HERC2: variants seen among roughly 807,000 people sequenced by gnomAD.
HERC2 encodes E3 ubiquitin-protein ligase HERC2.
HERC2 carries 102 observed loss-of-function variants against 537.7 expected under a neutral mutation model. That is an observed-to-expected ratio of 0.19 (90% CI 0.16 to 0.22). The LOEUF is 0.22. Among genes scored for constraint, HERC2 ranks in the 10% least tolerant of loss-of-function variants. The probability of loss-of-function intolerance (pLI) is 1.00; values close to 1 mark genes in which losing one functional copy is unlikely to be tolerated. For missense variants in HERC2, 4,236 were observed against 6,198.2 expected (o/e 0.68, Z 10.63); for synonymous variants, 2,224 against 2,466.2 (o/e 0.90, Z 2.91).
At chr15:28,321,933 G>A (rs2077241442) in intron 1 of HERC2, 142 bp downstream of exon 1, 2 of 138,828 alleles carry the variant, frequency 1.4e-5, no homozygotes, top group African/African-American at 3.0e-5. Flanking sequence ...GATGGAGAGA[G>A]GCCCGAGGCT....
chr15:28,268,880 C>T lies in HERC2; in HGVS notation c.1447-264G>A, dbSNP rs1239964220. On this transcript the variant is annotated intron_variant, in intron 11 of 92. Transcript: ENST00000261609. The surrounding 1 kb of genome is among the most constrained non-coding windows in gnomAD (Gnocchi z 4.7). ...GCCCCATGCCACAGAGACACGCAGC[C>T]GACAGGGAGGAACACCTCGCTTTAA... 1.3e-5 allele frequency among the ~76,000 whole-genome samples: 2 copies of T among 152,168 alleles called. No individual in the cohort carries two copies. The highest frequency in any genetic ancestry group is 2.4e-5 in the African/African-American group (1 of 41,458).
rs1887895667 is a variant in HERC2, at chr15:28,113,604, G to A, written c.13988C>T (p.Ser4663Phe). Reference protein sequence around the residue: ...MARVVPVPLLSLFTGYELETM... With the variant: ...MARVVPVPLLFLFTGYELETM... ...CTCCAGTTCGTAGCCGGTGAACAGA[G>A]AGAGGAGGGGAACAGGCACAACGCG... The change falls in exon 91 of 93, where the codon TCT (serine) becomes TTT (phenylalanine). Residue 4663 changes from serine (S) to phenylalanine (F), a missense_variant. By Grantham distance (155) the Ser-to-Phe change is radical. Around this residue, in one of 27 missense-constraint regions of HERC2, gnomAD observed 313 missense variants for 462.6 expected, o/e 0.68. Coordinates refer to ENST00000261609, the MANE Select transcript of HERC2 (RefSeq NM_004667.6). The surrounding 1 kb of genome is among the most constrained non-coding windows in gnomAD (Gnocchi z 7.0). The A allele has an allele frequency of 6.2e-7, 1 of 1,614,200 alleles. No homozygotes were observed. The highest frequency in any genetic ancestry group is 2.2e-5 in the East Asian group (1 of 44,876).
At chr15:28,180,688 T>C (rs1895738952) in intron 57 of HERC2, among the ~76,000 whole-genome samples, 1 of 152,202 alleles carries the variant, frequency 6.6e-6, no homozygotes, top group Non-Finnish European at 1.5e-5. Flanking sequence ...GTCCTCTGTA[T>C]CCATAGGTTC....
chr15:28,245,851 C>A (rs745750807), intron 23 of HERC2, 30 bp downstream of exon 23: 7 of 1,580,024 alleles, frequency 4.4e-6, no homozygotes, highest in Non-Finnish European at 6.1e-6. Context: ...ATAAAACTTT[C>A]CTCAGTAAAA....
chr15:28,142,375 A>C lies in HERC2; in HGVS notation c.11563T>G (p.Cys3855Gly). ...GGCAGAGTGTCCAGCTCCAGGTCAC[A>C]AGCAAGAGCTACCAGTACCTGCAGG... ...PFFKVLVALA[C>G]DLELDTLPCC... Residue 3855 changes from cysteine to glycine, a missense_variant, in exon 76 of 93, where the codon TGT becomes GGT. Cys to Gly is a radical substitution (Grantham distance 159). Around this residue, in one of 27 missense-constraint regions of HERC2, gnomAD observed 23 missense variants for 60.0 expected, o/e 0.38. Coordinates refer to ENST00000261609, the MANE Select transcript of HERC2 (RefSeq NM_004667.6). 1 of 1,613,640 alleles carries C rather than the reference A, an allele frequency of 6.2e-7. No homozygotes were observed. Among genetic ancestry groups the C allele is most frequent in the Non-Finnish European group, 8.5e-7 (1 of 1,179,790 alleles).
At chr15:28,276,307 C>T (rs966350398) in intron 5 of HERC2, among the ~76,000 whole-genome samples, 1 of 151,526 alleles carries the variant, frequency 6.6e-6, no homozygotes, top group Admixed American at 6.6e-5. Flanking sequence ...ACAGTACACG[C>T]TTATCCACAA....
rs767247317 is a variant in HERC2, at chr15:28,113,242, C to T, written c.14061G>A (p.Ser4687=). The change falls in exon 92 of 93, where the codon TCG becomes TCA. Residue 4687 remains serine, a synonymous_variant. Coordinates refer to ENST00000261609, the MANE Select transcript of HERC2 (RefSeq NM_004667.6). The surrounding 1 kb of genome is among the most constrained non-coding windows in gnomAD (Gnocchi z 7.0). ...SPDIPLHLLK[S]VATYKGIEPS... ...GCTCGATGCCTTTATAGGTGGCCAC[C>T]GACTTGAGAAGGTGCAGCGGGATGT... 7 of 1,613,992 alleles carry T rather than the reference C, an allele frequency of 4.3e-6. No homozygotes were observed. Among genetic ancestry groups the T allele is most frequent in the Admixed American group, 1.7e-5 (1 of 59,996 alleles).
intron 69 of HERC2, among the ~76,000 whole-genome samples, chr15:28,157,671 T>C (rs1893150247): frequency 6.6e-6 from 1 of 152,336 alleles, no homozygotes; most frequent in African/African-American, 2.4e-5. Flanking sequence ...ATCAATTTTG[T>C]TGATCTTTTC....
intron 57 of HERC2, among the ~76,000 whole-genome samples, 163 bp from the exon 58 acceptor site, chr15:28,179,386 T>C (rs1021919406): frequency 6.6e-6 from 1 of 152,234 alleles, no homozygotes; most frequent in Non-Finnish European, 1.5e-5. Flanking sequence ...CAGTAGATTA[T>C]AATGGAGCTG....
intron 2 of HERC2, among the ~76,000 whole-genome samples, chr15:28,311,395 G>A (rs1362367403): frequency 6.6e-6 from 1 of 152,276 alleles, no homozygotes; most frequent in Non-Finnish European, 1.5e-5. Context: ...GCCCGGGGAG[G>A]TTAAGGCTGC....
chr15:28,202,233 G>A lies in HERC2; in HGVS notation c.7497C>T (p.Val2499=), dbSNP rs146090836. Residue 2499 remains valine, a synonymous_variant, in exon 47 of 93, where the codon GTC becomes GTT. Transcript: ENST00000261609. ...ASSLPGVEAL[V]GWLLDHSDIQ... ...TGTCGGAGTGGTCCAGCAGCCACCC[G>A]ACCAAGGCTTCCACACCTAAGAGAG... 1.8e-4 allele frequency: 292 copies of A among 1,610,584 alleles called. No individual in the cohort carries two copies. In the African/African-American group the frequency reaches 3.6e-3, roughly 20 times the overall value.
rs57980844 is a variant in HERC2 at position 28,300,758 on chromosome 15, G to A, written c.73-1242C>T. Among the ~76,000 whole-genome samples the A allele has an allele frequency of 5.6e-3, 650 of 116,384 alleles. 5 individuals carry two copies. The highest frequency in any genetic ancestry group is 0.046 in the East Asian group (97 of 2,112). 76.4% of individuals were successfully genotyped at this position (116,384 alleles called of 152,430 possible). A position where few individuals can be genotyped will look rare whatever the true frequency, so the allele number is the denominator to read the frequency against. ...GACTAGCATGAACCCAGGAGGCAGA[G>A]GTTTCAGTGAGCCGAGATTATGTCA... On this transcript the variant is annotated intron_variant, in intron 2 of 92. Coordinates refer to ENST00000261609, the MANE Select transcript of HERC2 (RefSeq NM_004667.6).
intron 55 of HERC2, among the ~76,000 whole-genome samples, chr15:28,189,345 T>C (rs1869655702): frequency 6.6e-6 from 1 of 152,362 alleles, no homozygotes; most frequent in South Asian, 2.1e-4. Context: ...ATAATCTCCA[T>C]TGTTGATTTA....
chr15:28,144,028 G>T, intron 73 of HERC2, 37 bp from the exon 74 acceptor site: 1 of 1,614,136 alleles, frequency 6.2e-7, no homozygotes, highest in Middle Eastern at 1.7e-4. Flanking sequence ...GAAGTCTGAT[G>T]GTTTCTTCCA....
At chr15:28,247,857 A>T (rs1903878212) in intron 21 of HERC2, among the ~76,000 whole-genome samples, 1 of 152,256 alleles carries the variant, frequency 6.6e-6, no homozygotes, top group Non-Finnish European at 1.5e-5. Flanking sequence ...AACTCTTCAG[A>T]AAGTAATTAA....
chr15:28,270,013 G>A (rs1374905464), intron 10 of HERC2, among the ~76,000 whole-genome samples: 1 of 152,210 alleles, frequency 6.6e-6, no homozygotes, highest in Non-Finnish European at 1.5e-5. Context: ...CCAGGCTGCA[G>A]TGCAATGGCG....
rs1478143658 is a variant in HERC2 at position 28,155,375 on chromosome 15, CCCA to C, written c.10747-2548_10747-2546del. Among the ~76,000 whole-genome samples the C allele has an allele frequency of 3.9e-5, 6 of 152,306 alleles. No homozygotes were observed. The South Asian group carries it at 1.2e-3, about 32-fold the overall frequency. The stretch of plus-strand genomic sequence containing the variant: ...CGCAGTGGTTGAACTAGTTTACACT[CCCA>C]CCAACAGTGTAAAAGTGCTCCTATT... On this transcript the variant is annotated intron_variant, in intron 69 of 92. Coordinates refer to ENST00000261609, the MANE Select transcript of HERC2 (RefSeq NM_004667.6).
At chr15:28,237,494 T>C (rs1362842899) in intron 25 of HERC2, among the ~76,000 whole-genome samples, 1 of 152,248 alleles carries the variant, frequency 6.6e-6, no homozygotes, top group Non-Finnish European at 1.5e-5. Context: ...AAGTATTCGA[T>C]GACAAGTATT....
intron 2 of HERC2, among the ~76,000 whole-genome samples, chr15:28,315,310 T>C (rs977402791): frequency 6.6e-5 from 10 of 152,220 alleles, no homozygotes; most frequent in Non-Finnish European, 1.5e-4. Flanking sequence ...ACTGGCTCCT[T>C]GGTAGGCAGT....
Sources: allele counts gnomAD v4.1 joint callset (sites outside exome capture counted in the v4.1 genomes callset), GRCh38; gene constraint gnomAD v4.1.1; regional missense constraint gnomAD v4.1.1; non-coding constraint Gnocchi (gnomAD v3.1); transcripts MANE v1.5; gene names NCBI Gene and HGNC (gene_info 2026-07-23, HGNC 2026-07-21).